OSBP2: variants seen among roughly 807,000 people sequenced by gnomAD.
OSBP2 encodes oxysterol binding protein 2, also known as oxysterol-binding protein 2.
OSBP2 carries 66 observed loss-of-function variants against 96.0 expected under a neutral mutation model. That is an observed-to-expected ratio of 0.69 (90% confidence interval 0.56 to 0.84). The LOEUF (loss-of-function observed/expected upper bound fraction) is 0.84, where lower values mean the gene tolerates loss of function less well. OSBP2 is among the 40% of genes least tolerant of loss of function. OSBP2 has a pLI of 0.00. For synonymous variants in OSBP2, 525 were observed against 520.9 expected (o/e 1.01, Z -0.11); for missense variants, 1,038 against 1,222.7 (o/e 0.85, Z 2.25).
chr22:30,894,193 C>T (rs1415486087), intron 12 of OSBP2, 192 bp downstream of exon 12: 1 of 595,778 alleles, frequency 1.7e-6, no homozygotes, highest in African/African-American at 1.9e-5. Flanking sequence ...CTATCAAACA[C>T]TATGCACAGA....
intron 2 of OSBP2, among the ~76,000 whole-genome samples, chr22:30,821,373 C>A (rs549085766): frequency 6.6e-6 from 1 of 152,142 alleles, no homozygotes; most frequent in Non-Finnish European, 1.5e-5. Context: ...GCGTAGCAGG[C>A]CCCAGAAACA....
At chr22:30,700,370 T>G (rs1328552401) in intron 1 of OSBP2, among the ~76,000 whole-genome samples, 2 of 152,204 alleles carry the variant, frequency 1.3e-5, no homozygotes, top group African/African-American at 4.8e-5. Context: ...ATGTTGGCTT[T>G]TTTTTTAATT....
At chr22:30,741,800 C>T (rs1216049270) in intron 2 of OSBP2, among the ~76,000 whole-genome samples, 1 of 151,920 alleles carries the variant, frequency 6.6e-6, no homozygotes, top group East Asian at 1.9e-4. Context: ...CTGAGCAAGA[C>T]ATTTTGTTTC....
At chr22:30,787,835 C>G (rs2090615231) in intron 2 of OSBP2, among the ~76,000 whole-genome samples, 1 of 152,080 alleles carries the variant, frequency 6.6e-6, no homozygotes, top group Non-Finnish European at 1.5e-5. Context: ...TCTCGAGTAT[C>G]AAAAGAACCT....
chr22:30,760,977 C>G (rs1029946438), intron 2 of OSBP2, among the ~76,000 whole-genome samples: 5 of 152,130 alleles, frequency 3.3e-5, no homozygotes, highest in African/African-American at 1.2e-4. Flanking sequence ...GACTCCTCCA[C>G]CTGATTAAGG....
intron 3 of OSBP2, among the ~76,000 whole-genome samples, chr22:30,874,044 A>C (rs1022324803): frequency 4.6e-5 from 7 of 152,100 alleles, no homozygotes; most frequent in African/African-American, 1.2e-4. Context: ...CAAGACCAGC[A>C]TGGCCAACAT....
intron 2 of OSBP2, among the ~76,000 whole-genome samples, chr22:30,835,685 A>G (rs1186546154): frequency 1.3e-5 from 2 of 150,920 alleles, no homozygotes; most frequent in Admixed American, 6.6e-5. Flanking sequence ...TGATTTCTGT[A>G]TACATATGTA....
chr22:30,889,653 G>A lies in OSBP2; in HGVS notation c.1623+17G>A, dbSNP rs1252179505. ...CCCATGCCGGTGGGTGGCTCGGGCA[G>A]GGCAGCCCCGACAGGTCCTCTGGGG... is the stretch of plus-strand genomic sequence containing the variant. On this transcript the variant is annotated intron_variant, in intron 7 of 13. Coordinates refer to ENST00000332585, the MANE Select transcript of OSBP2 (RefSeq NM_030758.4). The A allele has an allele frequency of 6.2e-7, 1 of 1,613,442 alleles. No individual in the cohort carries two copies. Among genetic ancestry groups the A allele is most frequent in the Admixed American group, 1.7e-5 (1 of 60,026 alleles).
At chr22:30,894,211 C>T (rs963305734) in intron 12 of OSBP2, 11 of 570,838 alleles carry the variant, frequency 1.9e-5, no homozygotes, top group Admixed American at 6.2e-5. Flanking sequence ...AGACTTTAAG[C>T]GAGGTGATAG....
At chr22:30,823,251 C>A (rs2038323362) in intron 2 of OSBP2, among the ~76,000 whole-genome samples, 1 of 152,228 alleles carries the variant, frequency 6.6e-6, no homozygotes, top group Admixed American at 6.5e-5. Flanking sequence ...TGCAGGCTCA[C>A]AAGCCCAAGG....
intron 5 of OSBP2, 139 bp downstream of exon 5, chr22:30,888,479 C>A: frequency 1.5e-6 from 1 of 667,346 alleles, no homozygotes; most frequent in East Asian, 2.5e-5. Context: ...TGGCTCCCAG[C>A]ACTTTGGGAG....
At chr22:30,884,901 G>C (rs1041454351) in intron 3 of OSBP2, among the ~76,000 whole-genome samples, 1 of 152,226 alleles carries the variant, frequency 6.6e-6, no homozygotes, top group African/African-American at 2.4e-5. Context: ...TGGAGAGACC[G>C]ACCCAATGGG....
At chr22:30,730,772 C>CTATATATATA (rs2089752761) in intron 1 of OSBP2, among the ~76,000 whole-genome samples, 1 of 20,576 alleles carries the variant, frequency 4.9e-5, no homozygotes, top group Non-Finnish European at 9.4e-5. Flanking sequence ...CTCTCTCTCT[C>CTATATATATA]TCTATATATA....
intron 2 of OSBP2, among the ~76,000 whole-genome samples, chr22:30,804,747 A>G (rs571027664): frequency 6.6e-6 from 1 of 152,350 alleles, no homozygotes; most frequent in South Asian, 2.1e-4. Context: ...TAACTACCGT[A>G]TAAACACTTT....
intron 3 of OSBP2, chr22:30,872,331 A>G (rs1356190827): frequency 2.2e-6 from 1 of 456,484 alleles, no homozygotes; most frequent in Non-Finnish European, 4.4e-6. Context: ...GAGGCTTCCC[A>G]GGCACTGCCT....
At chr22:30,828,669 G>A (rs2038456208) in intron 2 of OSBP2, among the ~76,000 whole-genome samples, 1 of 152,226 alleles carries the variant, frequency 6.6e-6, no homozygotes, top group Admixed American at 6.5e-5. Flanking sequence ...TCCCAGGTAG[G>A]GGGAGCAGCA....
chr22:30,728,886 G>T (rs1321918424), intron 1 of OSBP2, among the ~76,000 whole-genome samples: 1 of 152,148 alleles, frequency 6.6e-6, no homozygotes, highest in Non-Finnish European at 1.5e-5. Context: ...ACCACCATTT[G>T]TCTGTCCATT....
Position 30,870,760 on chromosome 22 carries a change from C to A in OSBP2, c.1107+78C>A. The A allele has an allele frequency of 1.4e-6, 2 of 1,472,828 alleles. No individual in the cohort carries two copies. The highest frequency in any genetic ancestry group is 1.2e-5 in the South Asian group (1 of 81,826). 91.2% of individuals were successfully genotyped at this position (1,472,828 alleles called of 1,614,324 possible). A position where few individuals can be genotyped will look rare whatever the true frequency, so the allele number is the denominator to read the frequency against. On this transcript the variant is annotated intron_variant, in intron 3 of 13. Transcript: ENST00000332585. The surrounding 1 kb of genome is among the most constrained non-coding windows in gnomAD (Gnocchi z 4.1). ...GGGTCCCTCGGTGGGTGACCAGGGT[C>A]AGCTTGAAGGGTCAGCGTTCCATTT...
chr22:30,841,760 G>T (rs2038757387), intron 2 of OSBP2, among the ~76,000 whole-genome samples: 1 of 152,158 alleles, frequency 6.6e-6, no homozygotes, highest in Admixed American at 6.6e-5. Flanking sequence ...CAGTGGTTTG[G>T]GAGGCTGAGG....
Sources: allele counts gnomAD v4.1 joint callset (sites outside exome capture counted in the v4.1 genomes callset), GRCh38; gene constraint gnomAD v4.1.1; non-coding constraint Gnocchi (gnomAD v3.1); transcripts MANE v1.5; gene names NCBI Gene and HGNC (gene_info 2026-07-23, HGNC 2026-07-21).